Variants in PCDHGA8 observed in about 807,000 individuals in gnomAD.
PCDHGA8 encodes the protein protocadherin gamma subfamily A, 8, also known as protocadherin gamma-A8.
In PCDHGA8, 45 loss-of-function variants were observed where a neutral mutation model predicts 59.2. The observed-to-expected ratio is 0.76, with a 90% confidence interval of 0.60 to 0.98. PCDHGA8 has a LOEUF of 0.98. PCDHGA8 is among the 50% of genes least tolerant of loss of function. PCDHGA8 has a pLI of 0.00. For synonymous variants in PCDHGA8, 531 were observed against 519.0 expected (o/e 1.02, Z -0.32); for missense variants, 1,257 against 1,196.2 (o/e 1.05, Z -0.75).
intron 1 of PCDHGA8, chr5:141,440,587 A>G (rs566819394): frequency 1.3e-5 from 2 of 152,392 alleles, no homozygotes; most frequent in East Asian, 3.9e-4. Flanking sequence ...CCCAGCTGGA[A>G]CAAGATTTGC....
chr5:141,400,209 G>T (rs371270054), intron 1 of PCDHGA8: 8 of 1,613,934 alleles, frequency 5.0e-6, no homozygotes, highest in African/African-American at 2.7e-5. Flanking sequence ...CCTTGGCCTT[G>T]ATCTCAGTGC....
intron 1 of PCDHGA8, chr5:141,402,898 T>C: frequency 6.6e-7 from 1 of 1,512,304 alleles, no homozygotes; most frequent in Non-Finnish European, 8.8e-7. Context: ...AGAAAGAACC[T>C]GATGAAGCAG....
chr5:141,414,554 C>G (rs1184557964), intron 1 of PCDHGA8: 3 of 1,613,880 alleles, frequency 1.9e-6, no homozygotes, highest in East Asian at 2.2e-5. Context: ...TCTCAAGTCT[C>G]CTACTTTACC....
At chr5:141,495,270 G>A (rs1428903664) in intron 2 of PCDHGA8, among the ~76,000 whole-genome samples, 1 of 152,178 alleles carries the variant, frequency 6.6e-6, no homozygotes, top group African/African-American at 2.4e-5. Context: ...GCATTTGACC[G>A]GAGGAGGCGG....
Position 141,491,754 on chromosome 5 carries a change from C to T in PCDHGA8, c.2425-3053C>T. ...CCCCTGGGGGCGGCACTGGAGAAGC[C>T]GCCCGTCCTCATAAGGGATTGAACT... On this transcript the variant is annotated intron_variant, in intron 1 of 3. Transcript: ENST00000398604. The surrounding 1 kb of genome is among the most constrained non-coding windows in gnomAD (Gnocchi z 6.9). 5.7e-6 allele frequency: 9 copies of T among 1,582,682 alleles called. No individual in the cohort carries two copies. The highest frequency in any genetic ancestry group is 7.7e-6 in the Non-Finnish European group (9 of 1,165,614).
intron 1 of PCDHGA8, among the ~76,000 whole-genome samples, chr5:141,397,036 T>G (rs2093467467): frequency 2.0e-5 from 3 of 152,222 alleles, no homozygotes. Context: ...TGTCCACAAA[T>G]TTATGTAAAT....
intron 1 of PCDHGA8, chr5:141,408,498 G>A (rs934521153): frequency 1.7e-5 from 27 of 1,613,634 alleles, no homozygotes; most frequent in Non-Finnish European, 2.3e-5. Flanking sequence ...TGCAAAGAGA[G>A]AAGAAGATGT....
At chr5:141,463,301 A>G (rs1277348576) in intron 1 of PCDHGA8, among the ~76,000 whole-genome samples, 2 of 151,638 alleles carry the variant, frequency 1.3e-5, no homozygotes, top group South Asian at 2.1e-4. Flanking sequence ...AATCTCCCCA[A>G]ACTCTAATAT....
At position 141,431,578 on chromosome 5, in the gene PCDHGA8, C is replaced by T. The variant is rs756332070; in HGVS notation, c.2424+36341C>T. 6.2e-7 allele frequency: 1 copy of T among 1,614,164 alleles called. No homozygotes were observed. On this transcript the variant is annotated intron_variant, in intron 1 of 3. Coordinates refer to ENST00000398604, the MANE Select transcript of PCDHGA8 (RefSeq NM_032088.2). This position sits in a 1 kb window ranked among gnomAD's most constrained non-coding sequence, Gnocchi z 4.8. ...ACGCTACCGACCCTGACGAAGGAGT[C>T]AATGCGGAAGTGAGGTATTCCTTCC...
chr5:141,482,135 G>T (rs987110875), intron 1 of PCDHGA8, among the ~76,000 whole-genome samples: 1 of 151,836 alleles, frequency 6.6e-6, no homozygotes, highest in African/African-American at 2.4e-5. Context: ...CATATGGCTG[G>T]CATAAAAAGG....
At chr5:141,500,452 G>C (rs554196222) in intron 2 of PCDHGA8, among the ~76,000 whole-genome samples, 1 of 151,506 alleles carries the variant, frequency 6.6e-6, no homozygotes, top group South Asian at 2.1e-4. Context: ...CTCGTGATCC[G>C]CCCGCCTCGG....
chr5:141,464,079 A>G (rs996899520), intron 1 of PCDHGA8, among the ~76,000 whole-genome samples: 3 of 152,124 alleles, frequency 2.0e-5, no homozygotes, highest in Non-Finnish European at 4.4e-5. Flanking sequence ...AGCCTGGCCA[A>G]CATGGTGAAA....
chr5:141,400,229 T>C lies in PCDHGA8; in HGVS notation c.2424+4992T>C, dbSNP rs370433551. ...GCCTTGATCTCAGTGCTCTTCCTCCTGGCCGTGATTCTGGCCGTTGCCTTG... is the reference window on the plus strand; with the variant it reads ...GCCTTGATCTCAGTGCTCTTCCTCCCGGCCGTGATTCTGGCCGTTGCCTTG... On this transcript the variant is annotated intron_variant, in intron 1 of 3. Transcript: ENST00000398604. 3.1e-6 allele frequency: 5 copies of C among 1,613,872 alleles called. No individual in the cohort carries two copies. In the African/African-American group the frequency reaches 4.0e-5, roughly 13 times the overall value.
chr5:141,487,041 G>C lies in PCDHGA8; in HGVS notation c.2425-7766G>C, dbSNP rs149314216. On this transcript the variant is annotated intron_variant, in intron 1 of 3. Coordinates refer to ENST00000398604, the MANE Select transcript of PCDHGA8 (RefSeq NM_032088.2). The surrounding 1 kb of genome is among the most constrained non-coding windows in gnomAD (Gnocchi z 5.0). ...GATCCCAGCCTGTTTGCAGTCTCTC[G>C]ATATGCTGGGGAGGTGCGGACGGCT... 2.5e-6 allele frequency: 4 copies of C among 1,614,018 alleles called. No homozygotes were observed. Among genetic ancestry groups the C allele is most frequent in the South Asian group, 2.2e-5 (2 of 91,084 alleles).
Position 141,485,739 on chromosome 5 carries a change from G to A in PCDHGA8, c.2425-9068G>A. 6.2e-7 allele frequency: 1 copy of A among 1,614,234 alleles called. No individual in the cohort carries two copies. Among genetic ancestry groups the A allele is most frequent in the Non-Finnish European group, 8.5e-7 (1 of 1,180,042 alleles). ...GATGTGAAGAAGCGCAGCGACGGCA[G>A]CCTGGTCCCAGAGCTGCTCCTGGAG... On this transcript the variant is annotated intron_variant, in intron 1 of 3. Transcript: ENST00000398604. The surrounding 1 kb of genome is among the most constrained non-coding windows in gnomAD (Gnocchi z 5.7).
At chr5:141,435,575 C>T (rs1054936213) in intron 1 of PCDHGA8, among the ~76,000 whole-genome samples, 2 of 152,088 alleles carry the variant, frequency 1.3e-5, no homozygotes, top group South Asian at 2.1e-4. Context: ...AGTACTGGGG[C>T]AAATTTGCAG....
chr5:141,475,921 A>T, intron 1 of PCDHGA8: 1 of 604,938 alleles, frequency 1.7e-6, no homozygotes, highest in Non-Finnish European at 2.8e-6. Flanking sequence ...AAGACGCTGG[A>T]GATCGGGCCC....
chr5:141,453,680 A>G (rs1466590010), intron 1 of PCDHGA8, among the ~76,000 whole-genome samples: 1 of 152,220 alleles, frequency 6.6e-6, no homozygotes, highest in Non-Finnish European at 1.5e-5. Context: ...GTAACACACT[A>G]TGTAGGTAGT....
At chr5:141,417,949 TGA>T (rs2096196504) in intron 1 of PCDHGA8, 1 of 1,613,400 alleles carries the variant, frequency 6.2e-7, no homozygotes, top group Non-Finnish European at 8.5e-7. Context: ...CCACGCTGTG[TGA>T]GCCGATCCGC....
Sources: allele counts gnomAD v4.1 joint callset (sites outside exome capture counted in the v4.1 genomes callset), GRCh38; gene constraint gnomAD v4.1.1; non-coding constraint Gnocchi (gnomAD v3.1); transcripts MANE v1.5; gene names NCBI Gene and HGNC (gene_info 2026-07-23, HGNC 2026-07-21).